The following DMAC2L variants were observed in gnomAD, a reference collection of about 807,000 sequenced individuals.
DMAC2L encodes the protein ATP synthase subunit s, mitochondrial.
In DMAC2L, 21 loss-of-function variants were observed where a neutral mutation model predicts 22.5. The ratio of observed to expected loss-of-function variants is 0.93; its 90% confidence interval spans 0.66 to 1.34. The LOEUF is 1.34. Among genes scored for constraint, DMAC2L ranks in the 40% most tolerant of loss-of-function variants. DMAC2L has a pLI of 0.00. For missense variants in DMAC2L, 239 were observed against 246.5 expected (o/e 0.97, Z 0.20); for synonymous variants, 86 against 89.5 (o/e 0.96, Z 0.22).
In DMAC2L at chr14:50,322,535, T is replaced by C. The variant is rs2032363548; in HGVS notation, c.132T>C (p.Asp44=). 3 of 1,613,102 alleles carry C rather than the reference T, an allele frequency of 1.9e-6. No individual in the cohort carries two copies. The highest frequency in any genetic ancestry group is 2.5e-6 in the Non-Finnish European group (3 of 1,179,090). The change falls in exon 4 of 6, where the codon GAT becomes GAC. Residue 44 remains aspartate (D), a synonymous_variant. Transcript: ENST00000557421. The part of the protein sequence containing the change: ...FNKVDYDRIR[D]VGPDRAASEW... The stretch of plus-strand genomic sequence containing the variant: ...GGGTGGATTATGATCGCATCAGGGA[T>C]GTTGGCCCTGACAGGGCGGCATCCG...
upstream of DMAC2L, chr14:50,311,898 C>T: frequency 7.0e-7 from 1 of 1,438,056 alleles, no homozygotes; most frequent in South Asian, 1.3e-5. Context: ...CACAGGACCC[C>T]AACCTGCTCT....
chr14:50,323,478 C>T (rs1426966166), intron 4 of DMAC2L, among the ~76,000 whole-genome samples: 1 of 150,290 alleles, frequency 6.7e-6, no homozygotes, highest in African/African-American at 2.5e-5. Flanking sequence ...ACTGCAACCT[C>T]TACCTCCTGG....
chr14:50,313,012 C>T (rs1296315032), intron 1 of DMAC2L: 2 of 1,614,042 alleles, frequency 1.2e-6, no homozygotes, highest in African/African-American at 1.3e-5. Context: ...AACCGAGATA[C>T]AGTTTTAAAT....
At chr14:50,321,901 AT>A (rs2032307882) in intron 3 of DMAC2L, among the ~76,000 whole-genome samples, 1 of 152,108 alleles carries the variant, frequency 6.6e-6, no homozygotes, top group African/African-American at 2.4e-5. Context: ...AAAGTATTTT[AT>A]TTTTATGGCT....
intron 2 of DMAC2L, chr14:50,319,435 C>G (rs1239329008): frequency 7.4e-7 from 1 of 1,358,518 alleles, no homozygotes; most frequent in East Asian, 2.5e-5. Context: ...ATTCCAGAAC[C>G]ATGTAATGAT....
intron 1 of DMAC2L, among the ~76,000 whole-genome samples, chr14:50,313,555 C>T (rs148756134): frequency 8.9e-4 from 135 of 152,220 alleles, no homozygotes; most frequent in Middle Eastern, 6.8e-3. Flanking sequence ...TGTTCCATCA[C>T]AGATGAAAAA....
At chr14:50,312,189 G>A (rs1241021279), upstream of DMAC2L, 2 of 1,605,626 alleles carry the variant, frequency 1.2e-6, no homozygotes, top group Admixed American at 1.7e-5. Flanking sequence ...CTCAGAAGAA[G>A]CCACTTGACC....
In DMAC2L at chr14:50,317,984, T is replaced by C. The variant is rs192247296; in HGVS notation, c.-6+3358T>C. Among the ~76,000 whole-genome samples, 102 of 152,350 alleles carry C rather than the reference T, an allele frequency of 6.7e-4. 2 individuals are homozygous for C. Among genetic ancestry groups the C allele is most frequent in the Admixed American group, 1.6e-3 (24 of 15,304 alleles). ...ATGCTGGATTTTGTCAAATGCTTTT[T>C]CTGCATCTATTGAGATGATCATGTG... is the stretch of plus-strand genomic sequence containing the variant. On this transcript the variant is annotated intron_variant, in intron 2 of 5. Transcript: ENST00000557421.
intron 2 of DMAC2L, among the ~76,000 whole-genome samples, chr14:50,317,828 T>G (rs1354457713): frequency 6.6e-6 from 1 of 152,080 alleles, no homozygotes; most frequent in Non-Finnish European, 1.5e-5. Flanking sequence ...CTTGTTCCAA[T>G]TCTTGGAGGG....
chr14:50,320,447 A>G (rs1393178102), intron 2 of DMAC2L, among the ~76,000 whole-genome samples: 1 of 152,108 alleles, frequency 6.6e-6, no homozygotes, highest in Non-Finnish European at 1.5e-5. Context: ...CTGGCTGAGC[A>G]TGCAAAACAC....
chr14:50,322,365 T>G, intron 3 of DMAC2L, 146 bp from the exon 4 acceptor site: 1 of 858,922 alleles, frequency 1.2e-6, no homozygotes. Flanking sequence ...TTTTTGTTTT[T>G]TTTGCATGGA....
At position 50,326,032 on chromosome 14, in the gene DMAC2L, C is replaced by G; in HGVS notation, c.*309C>G. On this transcript the variant is annotated 3_prime_UTR_variant, in exon 6 of 6. Transcript: ENST00000557421. ...ATCACCTGAGGTCAGGAGTTCAAGA[C>G]CAACCATGGCCAACATGGTGAAACC... The G allele has an allele frequency of 1.9e-6, 1 of 532,082 alleles. No individual in the cohort carries two copies. The highest frequency in any genetic ancestry group is 2.4e-6 in the Non-Finnish European group (1 of 409,630). The allele number at this position is 532,082 out of a possible 1,614,324, so 33.0% of individuals were successfully genotyped here.
At chr14:50,323,663 G>A (rs2032481539) in intron 4 of DMAC2L, among the ~76,000 whole-genome samples, 1 of 152,154 alleles carries the variant, frequency 6.6e-6, no homozygotes, top group Admixed American at 6.5e-5. Flanking sequence ...CAAAGTGCTG[G>A]GATTACAGGT....
Position 50,322,514 on chromosome 14 carries a change from G to A in DMAC2L, c.111G>A (p.Val37=). ...WGWLNAVFNK[V]DYDRIRDVGP... ...GCTTTTTTTCTCTTGCCAACAGGGT[G>A]GATTATGATCGCATCAGGGATGTTG... Residue 37 remains valine (V), a synonymous_variant, in exon 4 of 6, where the codon GTG becomes GTA. Transcript: ENST00000557421. The A allele has an allele frequency of 1.3e-6, 2 of 1,598,608 alleles. No homozygotes were observed. The highest frequency in any genetic ancestry group is 8.6e-7 in the Non-Finnish European group (1 of 1,167,982).
At chr14:50,321,267 G>A in intron 2 of DMAC2L, 1 of 743,080 alleles carries the variant, frequency 1.3e-6, no homozygotes. Flanking sequence ...CTAGCCGGAA[G>A]GAGCCTTAGA....
At chr14:50,324,150 A>G in intron 5 of DMAC2L, 34 bp downstream of exon 5, 3 of 1,583,660 alleles carry the variant, frequency 1.9e-6, no homozygotes, top group Non-Finnish European at 2.6e-6. Context: ...AAACTTGATA[A>G]TGCTGTTAAG....
chr14:50,313,031 C>A, intron 1 of DMAC2L: 2 of 1,613,972 alleles, frequency 1.2e-6, no homozygotes, highest in Non-Finnish European at 1.7e-6. Flanking sequence ...ATGTGCTGTG[C>A]GGTCTCTGAG....
At position 50,312,402 on chromosome 14, in the gene DMAC2L, G is replaced by A. The variant is rs2031305449; in HGVS notation, c.-42+13G>A. The A allele has an allele frequency of 1.8e-6, 1 of 562,740 alleles. No homozygotes were observed. The highest frequency in any genetic ancestry group is 3.1e-5 in the East Asian group (1 of 32,090). 34.9% of individuals were successfully genotyped at this position (562,740 alleles called of 1,614,324 possible). A position where few individuals can be genotyped will look rare whatever the true frequency, so the allele number is the denominator to read the frequency against. On this transcript the variant is annotated intron_variant, in intron 1 of 5. Transcript: ENST00000557421. Reference sequence around the variant, plus strand: ...TCCCTCCGACGCTGTGAGTAGAGAAGCTAGGCCCCGAGCCGGGCGGGACTA... The same window carrying A: ...TCCCTCCGACGCTGTGAGTAGAGAAACTAGGCCCCGAGCCGGGCGGGACTA...
intron 4 of DMAC2L, among the ~76,000 whole-genome samples, 185 bp from the exon 5 acceptor site, chr14:50,323,760 C>T (rs958006609): frequency 5.3e-5 from 8 of 152,210 alleles, no homozygotes; most frequent in Non-Finnish European, 8.8e-5. Context: ...TCCATCAGCA[C>T]AAGCTCTATA....
Sources: allele counts gnomAD v4.1 joint callset (sites outside exome capture counted in the v4.1 genomes callset), GRCh38; gene constraint gnomAD v4.1.1; transcripts MANE v1.5; gene names NCBI Gene and HGNC (gene_info 2026-07-23, HGNC 2026-07-21).